Variants in NDST4 observed in about 807,000 individuals in gnomAD.
The protein encoded by NDST4 is N-deacetylase and N-sulfotransferase 4.
In NDST4, 63 loss-of-function variants were observed where a neutral mutation model predicts 100.8. The observed-to-expected ratio is 0.62, with a 90% CI of 0.51 to 0.77. The LOEUF (loss-of-function observed/expected upper bound fraction) is 0.77, where lower values mean the gene tolerates loss of function less well. Among genes scored for constraint, NDST4 ranks in the 30% least tolerant of loss-of-function variants. The pLI is 0.00. For missense variants in NDST4, 943 were observed against 1,018.4 expected (o/e 0.93, Z 1.01); for synonymous variants, 377 against 361.8 (o/e 1.04, Z -0.48).
At chr4:115,041,766 C>T (rs1728356843) in intron 2 of NDST4, among the ~76,000 whole-genome samples, 1 of 151,956 alleles carries the variant, frequency 6.6e-6, no homozygotes, top group African/African-American at 2.4e-5. Flanking sequence ...TGTGAGATGT[C>T]TGAGTTTCTG....
At chr4:115,060,502 G>A (rs539472234) in intron 2 of NDST4, among the ~76,000 whole-genome samples, 2 of 151,788 alleles carry the variant, frequency 1.3e-5, no homozygotes, top group South Asian at 2.1e-4. Flanking sequence ...TAAAATAGCT[G>A]TACAAACCTG....
At chr4:115,014,779 A>G (rs1476552813) in intron 2 of NDST4, among the ~76,000 whole-genome samples, 4 of 152,054 alleles carry the variant, frequency 2.6e-5, no homozygotes, top group African/African-American at 9.7e-5. Flanking sequence ...CTCCTTGGAT[A>G]ACTACTCTAC....
intron 10 of NDST4, among the ~76,000 whole-genome samples, chr4:114,843,472 T>G (rs1723475520): frequency 6.6e-6 from 1 of 152,198 alleles, no homozygotes; most frequent in Non-Finnish European, 1.5e-5. Context: ...AATAAACCAG[T>G]GTCCTGTTTT....
chr4:115,060,051 G>A (rs1008617109), intron 2 of NDST4, among the ~76,000 whole-genome samples: 2 of 151,870 alleles, frequency 1.3e-5, no homozygotes, highest in African/African-American at 2.4e-5. Flanking sequence ...ATAAAAACAA[G>A]CCTTCATTGT....
chr4:115,113,143 T>C (rs1208132940), intron 1 of NDST4, among the ~76,000 whole-genome samples: 2 of 151,980 alleles, frequency 1.3e-5, no homozygotes, highest in Non-Finnish European at 2.9e-5. Flanking sequence ...TGTTATCAAA[T>C]AAGATATTTC....
intron 2 of NDST4, among the ~76,000 whole-genome samples, chr4:115,007,251 T>A (rs1298841919): frequency 6.6e-6 from 1 of 152,166 alleles, no homozygotes; most frequent in Non-Finnish European, 1.5e-5. Context: ...CCAGTAAACA[T>A]GCAGCTGTAG....
intron 13 of NDST4, 100 bp from the exon 14 acceptor site, chr4:114,828,035 G>C: frequency 3.0e-6 from 3 of 1,007,698 alleles, no homozygotes; most frequent in Admixed American, 3.1e-5. Context: ...TACAGTATAC[G>C]TGTCTACAAC....
At chr4:115,095,970 A>G (rs905997476) in intron 1 of NDST4, among the ~76,000 whole-genome samples, 1 of 152,032 alleles carries the variant, frequency 6.6e-6, no homozygotes, top group Non-Finnish European at 1.5e-5. Context: ...AACCTCTAAA[A>G]TCTTTAAGTC....
chr4:114,881,248 G>A (rs945752643), intron 6 of NDST4, among the ~76,000 whole-genome samples: 1 of 152,004 alleles, frequency 6.6e-6, no homozygotes, highest in Non-Finnish European at 1.5e-5. Context: ...TGATTGAGAG[G>A]TGATGACTAC....
At chr4:115,080,595 T>C (rs1198028664) in intron 1 of NDST4, among the ~76,000 whole-genome samples, 1 of 152,146 alleles carries the variant, frequency 6.6e-6, no homozygotes, top group Admixed American at 6.6e-5. Context: ...AATTATATTA[T>C]ATCCTCTACT....
intron 4 of NDST4, among the ~76,000 whole-genome samples, chr4:114,942,522 A>T (rs1022776741): frequency 6.6e-6 from 1 of 152,282 alleles, no homozygotes; most frequent in Non-Finnish European, 1.5e-5. Context: ...AAATTAAAAT[A>T]AGAAATTTAT....
At chr4:114,855,891 T>G (rs1010265232) in intron 7 of NDST4, among the ~76,000 whole-genome samples, 2 of 152,180 alleles carry the variant, frequency 1.3e-5, no homozygotes, top group Non-Finnish European at 2.9e-5. Flanking sequence ...GAATGATCGT[T>G]TTTGATATAT....
chr4:114,836,698 T>C (rs1004867843), intron 11 of NDST4, among the ~76,000 whole-genome samples: 48 of 152,196 alleles, frequency 3.2e-4, no homozygotes, highest in Non-Finnish European at 6.0e-4. Context: ...CTGGATAATA[T>C]CCTGAATTGT....
chr4:114,860,797 G>C (rs1053364607), intron 7 of NDST4, among the ~76,000 whole-genome samples: 2 of 152,186 alleles, frequency 1.3e-5, no homozygotes, highest in African/African-American at 2.4e-5. Flanking sequence ...CAAAGTACTT[G>C]TCTATGAGAA....
intron 6 of NDST4, among the ~76,000 whole-genome samples, chr4:114,887,260 T>C (rs1333436348): frequency 1.3e-5 from 2 of 152,186 alleles, no homozygotes; most frequent in African/African-American, 4.8e-5. Flanking sequence ...AGCAAACTCT[T>C]TGTTTAGTGT....
At chr4:115,000,718 T>G (rs1311255635) in intron 2 of NDST4, among the ~76,000 whole-genome samples, 2 of 152,128 alleles carry the variant, frequency 1.3e-5, no homozygotes, top group Non-Finnish European at 2.9e-5. Flanking sequence ...CCTTCAAGAA[T>G]TACATCTCTC....
intron 10 of NDST4, among the ~76,000 whole-genome samples, chr4:114,845,488 C>T (rs1236544972): frequency 6.6e-6 from 1 of 152,104 alleles, no homozygotes; most frequent in Non-Finnish European, 1.5e-5. Context: ...AAGCTCTATG[C>T]CATTCACCAT....
rs867411041 is a variant in NDST4, at chr4:114,986,826, A to T, written c.979-9552T>A. ...TATATATATATATATATATATATATATATATATTTTAATATACTATTCCTA... is the reference window on the plus strand; with the variant it reads ...TATATATATATATATATATATATATTTATATATTTTAATATACTATTCCTA... On this transcript the variant is annotated intron_variant, in intron 2 of 13. Coordinates refer to ENST00000264363, the MANE Select transcript of NDST4 (RefSeq NM_022569.3). 9.6e-4 allele frequency among the ~76,000 whole-genome samples: 113 copies of T among 117,316 alleles called. 3 individuals carry two copies. Among genetic ancestry groups the T allele is most frequent in the African/African-American group, 3.1e-3 (86 of 28,158 alleles). The allele number at this position is 117,316 out of a possible 152,430, so 77.0% of individuals were successfully genotyped here.
At chr4:115,012,790 A>G (rs1346905914) in intron 2 of NDST4, among the ~76,000 whole-genome samples, 2 of 152,032 alleles carry the variant, frequency 1.3e-5, no homozygotes, top group African/African-American at 4.8e-5. Flanking sequence ...AAGCAATCTA[A>G]TTGTTCATCA....
Sources: gnomAD v4.1 joint callset for allele counts (sites outside exome capture counted in the v4.1 genomes callset) on GRCh38, gnomAD v4.1.1 for gene constraint, MANE v1.5 for transcripts, NCBI Gene and HGNC (gene_info 2026-07-23, HGNC 2026-07-21) for gene names.